The following MAOB variants were observed in gnomAD, a reference collection of about 807,000 sequenced individuals.
The protein encoded by MAOB is monoamine oxidase B, also known as amine oxidase [flavin-containing] B.
A neutral mutation model predicts 41.9 loss-of-function variants in MAOB; 15 were observed. The observed-to-expected ratio is 0.36, with a 90% CI of 0.24 to 0.55. The LOEUF (loss-of-function observed/expected upper bound fraction) is 0.55, where lower values mean the gene tolerates loss of function less well. MAOB is among the 20% of genes least tolerant of loss of function. MAOB has a pLI of 0.86. For missense variants in MAOB, 345 were observed against 398.7 expected (o/e 0.87, Z 1.15); for synonymous variants, 167 against 144.2 (o/e 1.16, Z -1.13).
intron 5 of MAOB, among the ~76,000 whole-genome samples, chrX:43,799,486 T>C (rs761580153): frequency 1.8e-5 from 2 of 111,506 alleles, no homozygotes; most frequent in East Asian, 5.6e-4. Context: ...AAAATATTGC[T>C]GGAATTCTAG....
chrX:43,791,213 A>G (rs901733364), intron 8 of MAOB, among the ~76,000 whole-genome samples: 1 of 111,807 alleles, frequency 8.9e-6, no homozygotes, highest in African/African-American at 3.3e-5. Context: ...GGAGCCTGTG[A>G]TGCAGCGGAA....
At chrX:43,831,642 T>C (rs376078414) in intron 3 of MAOB, among the ~76,000 whole-genome samples, 1 of 110,980 alleles carries the variant, frequency 9.0e-6, no homozygotes, top group African/African-American at 3.3e-5. Context: ...AATATGAGAA[T>C]TGAATCATAT....
At position 43,811,926 on chromosome X, in the gene MAOB, G is replaced by A. The variant is rs143402364; in HGVS notation, c.280-8522C>T. Among the ~76,000 whole-genome samples the A allele has an allele frequency of 7.2e-5, 8 of 111,320 alleles. No individual in the cohort carries two copies. The East Asian group carries it at 2.3e-3, about 32-fold the overall frequency. ...CACCCTGTTGTGCCATCAAACAGTAGGTCTTATTCATTCTTTAACTATTTT... is the reference window on the plus strand; with the variant it reads ...CACCCTGTTGTGCCATCAAACAGTAAGTCTTATTCATTCTTTAACTATTTT... On this transcript the variant is annotated intron_variant, in intron 3 of 14. Transcript: ENST00000378069.
intron 1 of MAOB, among the ~76,000 whole-genome samples, chrX:43,881,880 G>C (rs1037357231): frequency 1.8e-5 from 2 of 111,891 alleles, no homozygotes; most frequent in Non-Finnish European, 3.8e-5. Flanking sequence ...TGCTCTAAGC[G>C]AGGGTGCGGA....
chrX:43,849,938 C>T (rs1028053930), intron 1 of MAOB, among the ~76,000 whole-genome samples: 27 of 112,076 alleles, frequency 2.4e-4, no homozygotes, highest in African/African-American at 8.8e-4. Flanking sequence ...GTAACATAAA[C>T]TTTTGACTTT....
chrX:43,838,569 C>T lies in MAOB; in HGVS notation c.279+299G>A, dbSNP rs755839881. Among the ~76,000 whole-genome samples, 10 of 111,915 alleles carry T rather than the reference C, an allele frequency of 8.9e-5. No homozygotes were observed. The East Asian group carries it at 1.4e-3, about 16-fold the overall frequency. On this transcript the variant is annotated intron_variant, in intron 3 of 14. Transcript: ENST00000378069. ...TTTTTATATAACATAAAAGACTTCC[C>T]GGTATTTAAATAGATATTTAATAAA... is the stretch of plus-strand genomic sequence containing the variant.
chrX:43,816,155 G>A (rs1483259408), intron 3 of MAOB, among the ~76,000 whole-genome samples: 1 of 111,778 alleles, frequency 8.9e-6, no homozygotes, highest in Non-Finnish European at 1.9e-5. Context: ...TTTTAAAACA[G>A]GGAAAATTAA....
chrX:43,773,067 A>C (rs555347518), intron 12 of MAOB, among the ~76,000 whole-genome samples: 1 of 112,193 alleles, frequency 8.9e-6, no homozygotes, highest in South Asian at 3.7e-4. Flanking sequence ...CTAATACACC[A>C]TCCATGCAAA....
chrX:43,867,087 C>T (rs1199220673), intron 1 of MAOB, among the ~76,000 whole-genome samples: 1 of 112,704 alleles, frequency 8.9e-6, no homozygotes. Context: ...CAGGCAAAAA[C>T]TTGCATCAGA....
At chrX:43,840,626 C>T (rs1057217878) in intron 2 of MAOB, among the ~76,000 whole-genome samples, 3 of 110,905 alleles carry the variant, frequency 2.7e-5, no homozygotes, top group African/African-American at 9.9e-5. Context: ...ACTGTGAGTG[C>T]AGCCCATAGA....
intron 1 of MAOB, chrX:43,850,462 G>T (rs1032577374): frequency 8.0e-6 from 6 of 753,329 alleles, no homozygotes; most frequent in Non-Finnish European, 9.4e-6. Flanking sequence ...TGGCCAAATA[G>T]TTCCTCCTCC....
chrX:43,878,133 A>G (rs1392164309), intron 1 of MAOB, among the ~76,000 whole-genome samples: 1 of 111,955 alleles, frequency 8.9e-6, no homozygotes, highest in Non-Finnish European at 1.9e-5. Context: ...CTCATTTTAA[A>G]GATGAGGCAG....
At chrX:43,837,863 G>A (rs879080024) in intron 3 of MAOB, 7 of 330,896 alleles carry the variant, frequency 2.1e-5, no homozygotes, top group Admixed American at 1.9e-4. Flanking sequence ...ATGGGGCCCA[G>A]ATTAGGTGAC....
Position 43,861,195 on chromosome X carries a change from T to A in MAOB, c.47-17431A>T, listed in dbSNP as rs748030938. Among the ~76,000 whole-genome samples, 96 of 112,386 alleles carry A rather than the reference T, an allele frequency of 8.5e-4. 1 individual carries two copies. Among genetic ancestry groups the A allele is most frequent in the Non-Finnish European group, 1.6e-3 (84 of 53,255 alleles). ...CTAGCACCCGGGAGAATATCTGGCA[T>A]GTAGCCATCCTCAACAAATATTTGT... On this transcript the variant is annotated intron_variant, in intron 1 of 14. Coordinates refer to ENST00000378069, the MANE Select transcript of MAOB (RefSeq NM_000898.5).
intron 12 of MAOB, 86 bp from the exon 13 acceptor site, chrX:43,769,504 T>A: frequency 9.3e-7 from 1 of 1,080,711 alleles, no homozygotes; most frequent in East Asian, 3.4e-5. Flanking sequence ...CTGGTCAGCT[T>A]CCACAGATTC....
chrX:43,777,897 T>C (rs1190940800), intron 11 of MAOB, among the ~76,000 whole-genome samples: 3 of 111,923 alleles, frequency 2.7e-5, no homozygotes, highest in Non-Finnish European at 5.6e-5. Flanking sequence ...CTGATGAATG[T>C]CATGAGAACA....
At chrX:43,803,217 G>T in intron 4 of MAOB, 83 bp downstream of exon 4, 1 of 862,229 alleles carries the variant, frequency 1.2e-6, no homozygotes, top group Non-Finnish European at 1.6e-6. Context: ...TGTGCTAGGT[G>T]TTGGAGATAT....
At chrX:43,874,345 C>T (rs953209881) in intron 1 of MAOB, among the ~76,000 whole-genome samples, 60 of 111,325 alleles carry the variant, frequency 5.4e-4, no homozygotes, top group African/African-American at 2.0e-3. Flanking sequence ...ACTCATTCTT[C>T]CCTTCTTTCT....
intron 1 of MAOB, among the ~76,000 whole-genome samples, chrX:43,857,795 A>C (rs1054356457): frequency 4.5e-5 from 5 of 112,113 alleles, no homozygotes; most frequent in Admixed American, 1.9e-4. Context: ...TAGGACTTGG[A>C]AACCCAAAAG....
Sources: allele counts gnomAD v4.1 joint callset (sites outside exome capture counted in the v4.1 genomes callset), GRCh38; gene constraint gnomAD v4.1.1; transcripts MANE v1.5; gene names NCBI Gene and HGNC (gene_info 2026-07-23, HGNC 2026-07-21).